The following FARP1 variants were observed in gnomAD, a reference collection of about 807,000 sequenced individuals.
FARP1 encodes FERM, ARHGEF and pleckstrin domain-containing protein 1.
FARP1 carries 52 observed loss-of-function variants against 128.8 expected under a neutral mutation model. The ratio of observed to expected loss-of-function variants is 0.40; its 90% confidence interval spans 0.32 to 0.51. FARP1 has a LOEUF of 0.51. Ranked by LOEUF, FARP1 falls within the 20% of genes least tolerant of loss-of-function variation. The pLI is 0.45. For synonymous variants in FARP1, 580 were observed against 551.8 expected (o/e 1.05, Z -0.72); for missense variants, 1,333 against 1,367.9 (o/e 0.97, Z 0.40).
Position 98,448,404 on chromosome 13 carries a change from A to G in FARP1, c.*87A>G. On this transcript the variant is annotated 3_prime_UTR_variant, in exon 27 of 27. Coordinates refer to ENST00000319562, the MANE Select transcript of FARP1 (RefSeq NM_005766.4). ...ATTAATGAAGCCTGGTAAAATTAAC[A>G]CCTGTCTGAAAATCAAAAACATGGC... The G allele has an allele frequency of 9.2e-7, 1 of 1,089,062 alleles. No individual in the cohort carries two copies. Among genetic ancestry groups the G allele is most frequent in the Non-Finnish European group, 1.4e-6 (1 of 710,514 alleles). 67.5% of individuals were successfully genotyped at this position (1,089,062 alleles called of 1,614,324 possible).
chr13:98,429,910 G>A (rs1041318355), intron 17 of FARP1, among the ~76,000 whole-genome samples: 3 of 152,116 alleles, frequency 2.0e-5, no homozygotes, highest in Admixed American at 6.5e-5. Flanking sequence ...CTATAGACAT[G>A]TATACAAATA....
At chr13:98,309,983 T>C (rs1356023135) in intron 2 of FARP1, among the ~76,000 whole-genome samples, 1 of 152,200 alleles carries the variant, frequency 6.6e-6, no homozygotes, top group Non-Finnish European at 1.5e-5. Flanking sequence ...TCTTCCTCTG[T>C]CTGTGTGCGT....
At chr13:98,334,194 T>A (rs1887641710) in intron 2 of FARP1, 1 of 152,234 alleles carries the variant, frequency 6.6e-6, no homozygotes, top group African/African-American at 2.4e-5. Flanking sequence ...TCCCAGTAGA[T>A]ACAGCACAGC....
intron 2 of FARP1, among the ~76,000 whole-genome samples, chr13:98,315,735 G>T (rs1361801728): frequency 6.6e-6 from 1 of 152,212 alleles, no homozygotes; most frequent in South Asian, 2.1e-4. Context: ...GACTGTGAAT[G>T]CTTGAGTCAC....
At chr13:98,415,908 G>A (rs1452494772) in intron 16 of FARP1, among the ~76,000 whole-genome samples, 6 of 152,240 alleles carry the variant, frequency 3.9e-5, no homozygotes, top group African/African-American at 1.4e-4. Flanking sequence ...TGTAGGTGTG[G>A]GCCTCGTTGA....
At chr13:98,214,180 T>A (rs937027514) in intron 2 of FARP1, among the ~76,000 whole-genome samples, 3 of 152,272 alleles carry the variant, frequency 2.0e-5, no homozygotes, top group Admixed American at 1.3e-4. Context: ...TCTCCCAGCC[T>A]CCTCCTCAGA....
intron 11 of FARP1, among the ~76,000 whole-genome samples, chr13:98,393,197 G>A (rs150711879): frequency 2.6e-5 from 4 of 152,236 alleles, no homozygotes; most frequent in East Asian, 1.9e-4. Context: ...TAGAGTGAGC[G>A]GATGAGTGGT....
intron 16 of FARP1, among the ~76,000 whole-genome samples, chr13:98,412,319 G>A (rs755280262): frequency 6.6e-6 from 1 of 152,210 alleles, no homozygotes; most frequent in Non-Finnish European, 1.5e-5. Flanking sequence ...TTCTGGAGGG[G>A]CAATAGGGAT....
chr13:98,178,322 A>C (rs1347595913), intron 1 of FARP1, among the ~76,000 whole-genome samples: 1 of 149,654 alleles, frequency 6.7e-6, no homozygotes, highest in Non-Finnish European at 1.5e-5. Flanking sequence ...CAGCCTCCTG[A>C]GTAGCTGGGA....
At chr13:98,370,930 A>T (rs989176210) in intron 5 of FARP1, among the ~76,000 whole-genome samples, 4 of 152,168 alleles carry the variant, frequency 2.6e-5, no homozygotes, top group African/African-American at 9.7e-5. Context: ...CCGAGCTGCT[A>T]AGCCGGGTCT....
chr13:98,379,778 A>G (rs1889821458), intron 6 of FARP1, among the ~76,000 whole-genome samples: 1 of 152,112 alleles, frequency 6.6e-6, no homozygotes, highest in Non-Finnish European at 1.5e-5. Context: ...TTCAGGGAAT[A>G]ATGACAAGAA....
At chr13:98,283,227 T>G (rs1885013599) in intron 2 of FARP1, among the ~76,000 whole-genome samples, 1 of 152,216 alleles carries the variant, frequency 6.6e-6, no homozygotes, top group African/African-American at 2.4e-5. Context: ...TTAGGAATTT[T>G]CATAAGGAAA....
intron 2 of FARP1, among the ~76,000 whole-genome samples, chr13:98,307,399 T>C (rs1886213717): frequency 6.6e-6 from 1 of 152,142 alleles, no homozygotes; most frequent in African/African-American, 2.4e-5. Context: ...AACGCGTCCC[T>C]TGCCCCGGTT....
At chr13:98,428,806 C>T (rs1891887512) in intron 17 of FARP1, among the ~76,000 whole-genome samples, 1 of 152,092 alleles carries the variant, frequency 6.6e-6, no homozygotes, top group Admixed American at 6.5e-5. Context: ...GTATGCCAGG[C>T]CCCCAAGGAT....
chr13:98,333,017 C>T (rs1887575586), intron 2 of FARP1: 1 of 152,178 alleles, frequency 6.6e-6, no homozygotes. Context: ...GATTCAGGTT[C>T]AGTGGGCTGA....
Position 98,244,523 on chromosome 13 carries a change from C to T in FARP1, c.171+31110C>T, listed in dbSNP as rs199765767. 132 of 1,614,144 alleles carry T rather than the reference C, an allele frequency of 8.2e-5. No homozygotes were observed. The East Asian group carries it at 1.8e-3, about 22-fold the overall frequency. ...CCTCATCCTCCTTCCTCAAAGCCAC[C>T]GGCTCCTCCTGGACGGGTTGGGTAC... is the stretch of plus-strand genomic sequence containing the variant. On this transcript the variant is annotated intron_variant, in intron 2 of 26. Transcript: ENST00000319562.
intron 2 of FARP1, among the ~76,000 whole-genome samples, chr13:98,232,251 C>T (rs1489730224): frequency 3.5e-5 from 5 of 144,710 alleles, no homozygotes; most frequent in Admixed American, 1.4e-4. Context: ...GTTTGGTATA[C>T]AGTCACTTCA....
chr13:98,184,277 C>T (rs1878717833), intron 1 of FARP1, among the ~76,000 whole-genome samples: 2 of 152,158 alleles, frequency 1.3e-5, no homozygotes, highest in Non-Finnish European at 2.9e-5. Context: ...GCCACCCCAC[C>T]CGGCTAATTT....
intron 2 of FARP1, among the ~76,000 whole-genome samples, chr13:98,270,423 G>T (rs1175283832): frequency 6.6e-6 from 1 of 152,192 alleles, no homozygotes; most frequent in Non-Finnish European, 1.5e-5. Flanking sequence ...TGCACATCTG[G>T]TTTTAAATGT....
Sources: allele counts gnomAD v4.1 joint callset (sites outside exome capture counted in the v4.1 genomes callset), GRCh38; gene constraint gnomAD v4.1.1; transcripts MANE v1.5; gene names NCBI Gene and HGNC (gene_info 2026-07-23, HGNC 2026-07-21).